VCF1: variants seen among roughly 807,000 people sequenced by gnomAD.
VCF1 encodes the protein protein VCF1.
At chr17:73,225,900 T>TATATATATAATATATATATATA in the VCF1 span, among the ~76,000 whole-genome samples, 1 of 77,898 alleles carries the variant, frequency 1.3e-5, no homozygotes, top group African/African-American at 6.5e-5. Flanking sequence ...TATATATATA[T>TATATATATAATATATATATATA]TTTTTTTTTT....
chr17:73,232,295 G>A, the VCF1 span: 1 of 1,587,578 alleles, frequency 6.3e-7, no homozygotes, highest in East Asian at 2.3e-5. Context: ...CGTCTGCTCC[G>A]CGCCCCCCCA....
chr17:73,208,296 C>A, the VCF1 span: 1 of 1,612,790 alleles, frequency 6.2e-7, no homozygotes, highest in Non-Finnish European at 8.5e-7. Flanking sequence ...AGGCACTTTT[C>A]TCTACATCCA....
At chr17:73,225,732 C>T in the VCF1 span, among the ~76,000 whole-genome samples, 3 of 151,646 alleles carry the variant, frequency 2.0e-5, no homozygotes, top group African/African-American at 7.3e-5. Context: ...AGGGTTTTAT[C>T]ATTAGATATT....
At chr17:73,223,621 G>GT in the VCF1 span, among the ~76,000 whole-genome samples, 1 of 146,522 alleles carries the variant, frequency 6.8e-6, no homozygotes, top group Non-Finnish European at 1.5e-5. Context: ...TGAATTGTAA[G>GT]TAACTTTTAA....
chr17:73,229,187 T>A, the VCF1 span: 1 of 985,370 alleles, frequency 1.0e-6, no homozygotes, highest in Non-Finnish European at 1.2e-6. Flanking sequence ...CTCTTTGGCC[T>A]GTTGGTAGCC....
At chr17:73,211,162 A>G in the VCF1 span, among the ~76,000 whole-genome samples, 5 of 152,210 alleles carry the variant, frequency 3.3e-5, no homozygotes, top group African/African-American at 1.2e-4. Flanking sequence ...ACATAAGAAA[A>G]AAAAGACTGG....
At chr17:73,217,356 TAAA>T in the VCF1 span, among the ~76,000 whole-genome samples, 2 of 120,760 alleles carry the variant, frequency 1.7e-5, no homozygotes, top group Non-Finnish European at 3.5e-5. Flanking sequence ...GTATCTCAAT[TAAA>T]AAAAAAAAAA....
the VCF1 span, among the ~76,000 whole-genome samples, chr17:73,218,674 C>T: frequency 6.6e-6 from 1 of 151,732 alleles, no homozygotes; most frequent in Non-Finnish European, 1.5e-5. Context: ...CACCTGGGCT[C>T]GGGAGTTCGA....
At chr17:73,225,882 A>AATATATAT in the VCF1 span, among the ~76,000 whole-genome samples, 8 of 74,698 alleles carry the variant, frequency 1.1e-4, no homozygotes, top group East Asian at 4.0e-4. Flanking sequence ...ATATATATAT[A>AATATATAT]ATATATATAT....
At chr17:73,219,177 GA>G in the VCF1 span, among the ~76,000 whole-genome samples, 1 of 30,104 alleles carries the variant, frequency 3.3e-5, no homozygotes, top group Non-Finnish European at 6.0e-5. Flanking sequence ...GGCAACAAGA[GA>G]AAAACTCCGT....
the VCF1 span, chr17:73,208,000 C>T: frequency 1.6e-6 from 2 of 1,289,894 alleles, no homozygotes; most frequent in Admixed American, 6.7e-5. Context: ...GCAGCCTCTT[C>T]CAGAACAGTT....
the VCF1 span, chr17:73,229,559 G>A: frequency 2.0e-6 from 2 of 985,134 alleles, no homozygotes; most frequent in Non-Finnish European, 2.4e-6. Flanking sequence ...TAGAGACTCG[G>A]CATAGAAATA....
At chr17:73,227,049 T>TA in the VCF1 span, 1 of 771,434 alleles carries the variant, frequency 1.3e-6, no homozygotes, top group Non-Finnish European at 2.0e-6. Flanking sequence ...GTTAAACCAG[T>TA]ATAATCAACT....
the VCF1 span, chr17:73,232,282 C>T: frequency 1.2e-6 from 2 of 1,600,890 alleles, no homozygotes; most frequent in Non-Finnish European, 1.7e-6. Context: ...CCACTACTTC[C>T]GGCGTCTGCT....
chr17:73,225,526 C>T, the VCF1 span, among the ~76,000 whole-genome samples: 1 of 151,484 alleles, frequency 6.6e-6, no homozygotes, highest in Non-Finnish European at 1.5e-5. Flanking sequence ...TCAAAACTGG[C>T]AGATACGGGA....
chr17:73,216,917 CTAA>C, the VCF1 span, among the ~76,000 whole-genome samples: 523 of 152,318 alleles, frequency 3.4e-3, 1 homozygote, highest in Non-Finnish European at 5.6e-3. Flanking sequence ...ACCATTTCTA[CTAA>C]TAACCTTAAG....
the VCF1 span, among the ~76,000 whole-genome samples, chr17:73,221,656 AGGTG>A: frequency 6.6e-6 from 1 of 152,176 alleles, no homozygotes; most frequent in Admixed American, 6.5e-5. Context: ...TGGAAGGCCA[AGGTG>A]GAAGGATTGC....
the VCF1 span, chr17:73,209,549 G>T: frequency 6.3e-7 from 1 of 1,587,162 alleles, no homozygotes; most frequent in East Asian, 2.3e-5. Flanking sequence ...GGCCGCCCTC[G>T]GTGCTGTAGG....
At chr17:73,225,871 T>A in the VCF1 span, among the ~76,000 whole-genome samples, 80 of 112,518 alleles carry the variant, frequency 7.1e-4, no homozygotes, top group Middle Eastern at 4.3e-3. Flanking sequence ...GAAAAAAATA[T>A]ATATATATAT....
Sources: allele counts gnomAD v4.1 joint callset (sites outside exome capture counted in the v4.1 genomes callset), GRCh38; gene constraint gnomAD v4.1.1; transcripts MANE v1.5; gene names NCBI Gene and HGNC (gene_info 2026-07-23, HGNC 2026-07-21).